The following AASS variants were observed in gnomAD, a reference collection of about 807,000 sequenced individuals.
AASS encodes the protein aminoadipate-semialdehyde synthase.
A neutral mutation model predicts 105.4 loss-of-function variants in AASS; 86 were observed. That is an observed-to-expected ratio of 0.82 (90% confidence interval 0.69 to 0.98). AASS has a LOEUF of 0.98. AASS is among the 50% of genes least tolerant of loss of function. The pLI is 0.00. For synonymous variants in AASS, 381 were observed against 394.8 expected, an observed-to-expected ratio of 0.96 and a Z score of 0.41; for missense variants, 1,048 against 1,143.2, an observed-to-expected ratio of 0.92 and a Z score of 1.20.
In AASS at chr7:122,124,369, A is replaced by C. The variant is rs560968381; in HGVS notation, c.472+2006T>G. On this transcript the variant is annotated intron_variant, in intron 4 of 23. Coordinates refer to ENST00000417368, the MANE Select transcript of AASS (RefSeq NM_005763.4). ...ATGATCTCGGCTTCCTGCAACCTCCACCTCTCAGATTCAAGCAATTCTCCT... is the reference window on the plus strand; with the variant it reads ...ATGATCTCGGCTTCCTGCAACCTCCCCCTCTCAGATTCAAGCAATTCTCCT... 2.0e-5 allele frequency among the ~76,000 whole-genome samples: 3 copies of C among 151,668 alleles called. No homozygotes were observed. In the South Asian group the frequency reaches 6.2e-4, roughly 32 times the overall value.
At chr7:122,098,654 C>G in intron 14 of AASS, 78 bp from the exon 15 acceptor site, 2 of 1,583,538 alleles carry the variant, frequency 1.3e-6, no homozygotes, top group Non-Finnish European at 1.7e-6. Context: ...AATAAATTTT[C>G]AAATTTCAGA....
chr7:122,117,230 G>A (rs1406679472), intron 6 of AASS, among the ~76,000 whole-genome samples: 1 of 151,938 alleles, frequency 6.6e-6, no homozygotes, highest in Non-Finnish European at 1.5e-5. Context: ...TTAGAAATGA[G>A]GGAAAAATAT....
intron 9 of AASS, among the ~76,000 whole-genome samples, 196 bp downstream of exon 9, chr7:122,114,878 A>G (rs1327631123): frequency 6.6e-6 from 1 of 152,128 alleles, no homozygotes; most frequent in African/African-American, 2.4e-5. Context: ...CCCATCTCTA[A>G]AGATAAATAT....
At chr7:122,118,180 G>T in intron 6 of AASS, 127 bp downstream of exon 6, 1 of 1,008,054 alleles carries the variant, frequency 9.9e-7, no homozygotes, top group Non-Finnish European at 1.5e-6. Flanking sequence ...AAAATACATT[G>T]GTAAGAAAAG....
chr7:122,112,305 G>T (rs1794977740), intron 11 of AASS, among the ~76,000 whole-genome samples: 1 of 152,142 alleles, frequency 6.6e-6, no homozygotes, highest in South Asian at 2.1e-4. Context: ...CCATGACAGT[G>T]CCTGCTGCCT....
intron 15 of AASS, among the ~76,000 whole-genome samples, chr7:122,097,806 C>T (rs767574665): frequency 1.3e-5 from 2 of 152,034 alleles, no homozygotes; most frequent in African/African-American, 4.8e-5. Flanking sequence ...TACCTTATGA[C>T]CTGCAATCCC....
rs966422047 is a variant in AASS at position 122,105,569 on chromosome 7, A to T, written c.1279-3889T>A. 2.9e-4 allele frequency among the ~76,000 whole-genome samples: 44 copies of T among 152,228 alleles called. 1 individual carries two copies. Among genetic ancestry groups the T allele is most frequent in the African/African-American group, 1.0e-3 (43 of 41,580 alleles). On this transcript the variant is annotated intron_variant, in intron 11 of 23. Transcript: ENST00000417368. ...TGGTATGAAGCTAGAAATCAATAAC[A>T]AGAGAAACTTTGGAAACTACAAACA...
In AASS at chr7:122,136,073, A is replaced by C. The variant is rs58284935; in HGVS notation, c.-15-2332T>G. ...CATGTAAACTTGGCAGCAAAATATA[A>C]GGATTCAATGATTTTTATACCTTCC... On this transcript the variant is annotated intron_variant, in intron 1 of 23. Transcript: ENST00000417368. 4.1e-3 allele frequency among the ~76,000 whole-genome samples: 626 copies of C among 152,332 alleles called. 7 individuals carry two copies. The highest frequency in any genetic ancestry group is 0.014 in the African/African-American group (596 of 41,584).
chr7:122,098,585 G>A lies in AASS; in HGVS notation c.1529-9C>T. On this transcript the variant is annotated splice_polypyrimidine_tract_variant and intron_variant, in intron 14 of 23. Coordinates refer to ENST00000417368, the MANE Select transcript of AASS (RefSeq NM_005763.4). ...ATTCTTCATGTCAGATCCTATTTCA[G>A]TAATTAAAAGTCACATTTTTAGATA... 2 of 1,605,218 alleles carry A rather than the reference G, an allele frequency of 1.2e-6. No individual in the cohort carries two copies. The highest frequency in any genetic ancestry group is 8.5e-7 in the Non-Finnish European group (1 of 1,173,846).
chr7:122,102,285 G>C (rs1016388969), intron 11 of AASS, among the ~76,000 whole-genome samples: 1 of 151,916 alleles, frequency 6.6e-6, no homozygotes, highest in Admixed American at 6.6e-5. Flanking sequence ...AACAAAAAAA[G>C]TAAGATGTCT....
intron 4 of AASS, among the ~76,000 whole-genome samples, chr7:122,119,224 AG>A (rs1795328861): frequency 6.6e-6 from 1 of 152,126 alleles, no homozygotes; most frequent in South Asian, 2.1e-4. Flanking sequence ...ACGTTTCTGT[AG>A]GACCCTCTTC....
At chr7:122,133,124 A>G (rs1369343484) in intron 2 of AASS, among the ~76,000 whole-genome samples, 1 of 152,140 alleles carries the variant, frequency 6.6e-6, no homozygotes, top group Non-Finnish European at 1.5e-5. Flanking sequence ...GTATACATAT[A>G]TATGTATATT....
intron 4 of AASS, among the ~76,000 whole-genome samples, chr7:122,119,936 C>A (rs1322698962): frequency 6.6e-6 from 1 of 152,134 alleles, no homozygotes; most frequent in Non-Finnish European, 1.5e-5. Context: ...GAAAAGGTGG[C>A]CCCCGATAAA....
chr7:122,114,944 C>T (rs1278325681), intron 9 of AASS, 130 bp downstream of exon 9: 1 of 1,255,264 alleles, frequency 8.0e-7, no homozygotes, highest in African/African-American at 1.5e-5. Flanking sequence ...TGAGTACTGC[C>T]AAGAGGTCAA....
At chr7:122,109,253 C>CAAAAAAAA in intron 11 of AASS, among the ~76,000 whole-genome samples, 1 of 112,074 alleles carries the variant, frequency 8.9e-6, no homozygotes, top group Non-Finnish European at 1.9e-5. Flanking sequence ...CAATCCTTAC[C>CAAAAAAAA]AAAAAAAAAA....
At position 122,113,191 on chromosome 7, in the gene AASS, T is replaced by G. The variant is rs1263891986; in HGVS notation, c.1205A>C (p.Asn402Thr). The G allele has an allele frequency of 1.2e-6, 2 of 1,613,934 alleles. No individual in the cohort carries two copies. Among genetic ancestry groups the G allele is most frequent in the South Asian group, 2.2e-5 (2 of 91,082 alleles). The change falls in exon 11 of 24, where the codon AAT becomes ACT. Residue 402 changes from asparagine (N) to threonine (T), a missense_variant. Coordinates refer to ENST00000417368, the MANE Select transcript of AASS (RefSeq NM_005763.4). Reference protein sequence around the residue: ...GSGILMCSIDNLPAQLPIEAT... With the variant: ...GSGILMCSIDTLPAQLPIEAT... ...TTCAATTGGGAGCTGTGCCGGCAAATTGTCAATGGAACACATCAGGATCCC... is the reference window on the plus strand; with the variant it reads ...TTCAATTGGGAGCTGTGCCGGCAAAGTGTCAATGGAACACATCAGGATCCC...
chr7:122,132,652 C>T (rs1351808968), intron 2 of AASS, among the ~76,000 whole-genome samples: 7 of 152,080 alleles, frequency 4.6e-5, no homozygotes, highest in Admixed American at 4.6e-4. Context: ...GAACATATAT[C>T]ACTTATGTTG....
intron 13 of AASS, among the ~76,000 whole-genome samples, chr7:122,099,840 T>A (rs1290629097): frequency 6.6e-6 from 1 of 151,886 alleles, no homozygotes; most frequent in African/African-American, 2.4e-5. Context: ...ATATTACTGA[T>A]GTGAAGAGGT....
At chr7:122,089,317 T>C (rs570325962) in intron 18 of AASS, among the ~76,000 whole-genome samples, 7 of 152,208 alleles carry the variant, frequency 4.6e-5, no homozygotes, top group African/African-American at 1.7e-4. Context: ...GGCAAAATAA[T>C]AGTGAACAGA....
Sources: gnomAD v4.1 joint callset for allele counts (sites outside exome capture counted in the v4.1 genomes callset) on GRCh38, gnomAD v4.1.1 for gene constraint, MANE v1.5 for transcripts, NCBI Gene and HGNC (gene_info 2026-07-23, HGNC 2026-07-21) for gene names.